ANKRD12: variants seen among roughly 807,000 people sequenced by gnomAD.
ANKRD12 encodes the protein ankyrin repeat domain 12.
A neutral mutation model predicts 183.4 loss-of-function variants in ANKRD12; 85 were observed. That is an observed-to-expected ratio of 0.46 (90% CI 0.39 to 0.56). ANKRD12 has a LOEUF of 0.56. Among genes scored for constraint, ANKRD12 ranks in the 20% least tolerant of loss-of-function variants. The pLI, the probability that ANKRD12 is intolerant of heterozygous loss-of-function variation, is 0.00. For synonymous variants in ANKRD12, 914 were observed against 800.2 expected, an observed-to-expected ratio of 1.14 and a Z score of -2.40; for missense variants, 2,405 against 2,357.1, an observed-to-expected ratio of 1.02 and a Z score of -0.42.
At chr18:9,278,978 A>G (rs983247634) in intron 11 of ANKRD12, among the ~76,000 whole-genome samples, 2 of 152,178 alleles carry the variant, frequency 1.3e-5, no homozygotes, top group African/African-American at 4.8e-5. Context: ...TTTACAGAGT[A>G]TAAGACTGAA....
chr18:9,150,113 A>G (rs1209206104), intron 1 of ANKRD12, among the ~76,000 whole-genome samples: 4 of 152,086 alleles, frequency 2.6e-5, no homozygotes, highest in Non-Finnish European at 4.4e-5. Context: ...TTTATTTTGT[A>G]TAGTCTTCTG....
intron 8 of ANKRD12, among the ~76,000 whole-genome samples, chr18:9,228,735 T>C (rs902233405): frequency 1.3e-5 from 2 of 152,170 alleles, no homozygotes; most frequent in African/African-American, 4.8e-5. Flanking sequence ...AGATGAGTAA[T>C]TTGCAAATAT....
At chr18:9,177,852 A>G (rs896538614) in intron 1 of ANKRD12, among the ~76,000 whole-genome samples, 1 of 152,108 alleles carries the variant, frequency 6.6e-6, no homozygotes, top group Admixed American at 6.5e-5. Flanking sequence ...CCTGGTGACT[A>G]ATGAGGTTGC....
intron 1 of ANKRD12, among the ~76,000 whole-genome samples, chr18:9,162,676 T>C (rs1421521239): frequency 6.6e-6 from 1 of 152,230 alleles, no homozygotes; most frequent in African/African-American, 2.4e-5. Flanking sequence ...ACTAACAGTG[T>C]AAAAGCATTT....
chr18:9,264,276 G>A (rs893005337), intron 10 of ANKRD12, among the ~76,000 whole-genome samples: 26 of 152,094 alleles, frequency 1.7e-4, no homozygotes, highest in African/African-American at 5.1e-4. Context: ...CACGTAGGTC[G>A]GCCTTAGTAT....
chr18:9,263,150 A>T (rs1218163440), intron 9 of ANKRD12, among the ~76,000 whole-genome samples: 2 of 152,048 alleles, frequency 1.3e-5, no homozygotes, highest in African/African-American at 4.8e-5. Context: ...CAGCTTCCTT[A>T]ACCTCCAGCA....
chr18:9,171,923 G>C (rs1313865850), intron 1 of ANKRD12, among the ~76,000 whole-genome samples: 1 of 151,882 alleles, frequency 6.6e-6, no homozygotes. Flanking sequence ...GGGAGGCTGA[G>C]GCAGGAGAAT....
At chr18:9,272,742 G>T (rs1245117114) in intron 10 of ANKRD12, among the ~76,000 whole-genome samples, 1 of 152,078 alleles carries the variant, frequency 6.6e-6, no homozygotes, top group African/African-American at 2.4e-5. Context: ...ACTTTAAATT[G>T]TACTTAATAA....
At chr18:9,239,253 C>G (rs1312814438) in intron 8 of ANKRD12, among the ~76,000 whole-genome samples, 1 of 152,200 alleles carries the variant, frequency 6.6e-6, no homozygotes. Context: ...GCTACTAATT[C>G]TTTTAATTGC....
chr18:9,153,515 A>T (rs900684508), intron 1 of ANKRD12, among the ~76,000 whole-genome samples: 1 of 152,166 alleles, frequency 6.6e-6, no homozygotes, highest in Non-Finnish European at 1.5e-5. Flanking sequence ...TTACTCATTT[A>T]TCAAATATTG....
At chr18:9,174,292 A>G (rs2033048048) in intron 1 of ANKRD12, among the ~76,000 whole-genome samples, 1 of 152,220 alleles carries the variant, frequency 6.6e-6, no homozygotes, top group South Asian at 2.1e-4. Flanking sequence ...GTGCCATGGA[A>G]GTGAGGCCCG....
intron 1 of ANKRD12, among the ~76,000 whole-genome samples, chr18:9,154,941 G>A (rs1042984504): frequency 6.6e-6 from 1 of 152,174 alleles, no homozygotes; most frequent in Non-Finnish European, 1.5e-5. Flanking sequence ...TGGAGTTTTA[G>A]AGAAGGTCTA....
At chr18:9,170,202 C>T (rs988944477) in intron 1 of ANKRD12, among the ~76,000 whole-genome samples, 1 of 151,928 alleles carries the variant, frequency 6.6e-6, no homozygotes, top group African/African-American at 2.4e-5. Flanking sequence ...TGGAGTTGCT[C>T]TTCTCGAGGA....
intron 1 of ANKRD12, among the ~76,000 whole-genome samples, chr18:9,160,187 C>T (rs1207074467): frequency 6.6e-6 from 1 of 152,180 alleles, no homozygotes; most frequent in Non-Finnish European, 1.5e-5. Flanking sequence ...GTGATCACAG[C>T]TCAGTGCAAC....
chr18:9,153,414 A>G (rs183829474), intron 1 of ANKRD12, among the ~76,000 whole-genome samples: 11 of 152,184 alleles, frequency 7.2e-5, no homozygotes, highest in Admixed American at 6.5e-4. Context: ...CCTCTCTAGA[A>G]CATTTTGAAA....
At chr18:9,144,960 A>G (rs1460086059) in intron 1 of ANKRD12, among the ~76,000 whole-genome samples, 2 of 152,122 alleles carry the variant, frequency 1.3e-5, no homozygotes, top group East Asian at 3.8e-4. Context: ...AATAATTATG[A>G]TTATGGACTT....
At chr18:9,264,224 G>C (rs1055116010) in intron 10 of ANKRD12, among the ~76,000 whole-genome samples, 3 of 152,168 alleles carry the variant, frequency 2.0e-5, no homozygotes, top group Non-Finnish European at 4.4e-5. Flanking sequence ...GCTGTTTTAA[G>C]GCAAAAGGGC....
intron 10 of ANKRD12, 106 bp downstream of exon 10, chr18:9,263,994 A>G: frequency 9.6e-7 from 1 of 1,037,998 alleles, no homozygotes; most frequent in Non-Finnish European, 1.3e-6. Context: ...ATTTAGAACC[A>G]TTTTGAGAAG....
intron 1 of ANKRD12, among the ~76,000 whole-genome samples, chr18:9,163,192 T>G (rs921285484): frequency 2.0e-5 from 3 of 152,238 alleles, no homozygotes; most frequent in African/African-American, 7.2e-5. Context: ...ATTGAAGTCT[T>G]TAATCCATCT....
Sources: gnomAD v4.1 joint callset for allele counts (sites outside exome capture counted in the v4.1 genomes callset) on GRCh38, gnomAD v4.1.1 for gene constraint, MANE v1.5 for transcripts, NCBI Gene and HGNC (gene_info 2026-07-23, HGNC 2026-07-21) for gene names.